Variants in INSL6 observed in about 807,000 individuals in gnomAD.
The protein encoded by INSL6 is insulin like 6, also known as insulin-like peptide INSL6.
A neutral mutation model predicts 9.4 loss-of-function variants in INSL6; 16 were observed. The ratio of observed to expected loss-of-function variants is 1.70; its 90% CI spans 1.15 to 2.59. The LOEUF is 2.59. INSL6 is among the 30% of genes most tolerant of loss of function. The probability of loss-of-function intolerance (pLI) is 0.00; values close to 1 mark genes in which losing one functional copy is unlikely to be tolerated. For missense variants in INSL6, 391 were observed against 257.3 expected (o/e 1.52, Z -3.56); for synonymous variants, 154 against 96.9 (o/e 1.59, Z -3.46).
chr9:5,092,747 G>A, the INSL6 span, among the ~76,000 whole-genome samples: 1 of 152,284 alleles, frequency 6.6e-6, no homozygotes, highest in African/African-American at 2.4e-5. Context: ...CACCTACGTG[G>A]CAAAATAGTG....
intron 2 of INSL6, among the ~76,000 whole-genome samples, chr9:5,145,576 A>G (rs1351573278): frequency 6.6e-6 from 1 of 152,144 alleles, no homozygotes; most frequent in East Asian, 1.9e-4. Context: ...CACTCTTCCC[A>G]GCTCTTTCAG....
At chr9:5,100,238 G>A in the INSL6 span, 4 of 152,004 alleles carry the variant, frequency 2.6e-5, no homozygotes, top group Admixed American at 6.6e-5. Flanking sequence ...AACACATAAT[G>A]ACCCACCAAA....
the INSL6 span, chr9:5,044,490 T>G: frequency 6.2e-7 from 1 of 1,611,230 alleles, no homozygotes; most frequent in Non-Finnish European, 8.5e-7. Flanking sequence ...CTCTTCTTGA[T>G]GACTTTGTCA....
the INSL6 span, among the ~76,000 whole-genome samples, chr9:5,076,102 A>G: frequency 4.6e-5 from 7 of 152,186 alleles, no homozygotes; most frequent in Admixed American, 1.3e-4. Flanking sequence ...GCCCTGAAAG[A>G]AGGAGGAGTT....
At chr9:5,038,538 TACA>T in the INSL6 span, among the ~76,000 whole-genome samples, 2 of 150,986 alleles carry the variant, frequency 1.3e-5, no homozygotes, top group Non-Finnish European at 2.9e-5. Context: ...AATCCAGCAA[TACA>T]GCTTGAATAT....
Position 5,126,158 on chromosome 9 carries a change from T to C in INSL6, c.*11-1647A>G, listed in dbSNP as rs186327807. ...GCTATGGAAATGGAAATTATAGAAG[T>C]TCCATATTTAACAGCCTTATGTTTT... On this transcript the variant is annotated intron_variant, in intron 3 of 3. Transcript: ENST00000649639. 5.9e-6 allele frequency: 3 copies of C among 504,412 alleles called. No homozygotes were observed. In the Admixed American group the frequency reaches 1.1e-4, roughly 19 times the overall value. The allele number at this position is 504,412 out of a possible 1,614,324, so 31.2% of individuals were successfully genotyped here.
chr9:5,132,896 C>G (rs149920514), intron 3 of INSL6: 1 of 152,134 alleles, frequency 6.6e-6, no homozygotes, highest in Non-Finnish European at 1.5e-5. Flanking sequence ...GTTCTGCTAC[C>G]GCTCTGGGAA....
chr9:5,057,759 C>G, the INSL6 span, among the ~76,000 whole-genome samples: 25 of 151,492 alleles, frequency 1.7e-4, 1 homozygote, highest in African/African-American at 5.8e-4. Context: ...TTTTTTGTAT[C>G]TTTAGTAGAG....
chr9:5,023,978 C>T, the INSL6 span, among the ~76,000 whole-genome samples: 15 of 152,012 alleles, frequency 9.9e-5, no homozygotes, highest in African/African-American at 1.9e-4. Flanking sequence ...TAGCTTGGGC[C>T]GGGCACGGTG....
the INSL6 span, among the ~76,000 whole-genome samples, chr9:5,083,062 A>G: frequency 6.6e-6 from 1 of 152,210 alleles, no homozygotes; most frequent in Admixed American, 6.5e-5. Context: ...GAGGAAGATG[A>G]ATTAGGCAGT....
chr9:5,077,658 CAAAAAAT>C, the INSL6 span: 1 of 930,742 alleles, frequency 1.1e-6, no homozygotes, highest in Non-Finnish European at 1.5e-6. Context: ...TACCTGGAAA[CAAAAAAT>C]AAATCTGTAA....
the INSL6 span, among the ~76,000 whole-genome samples, chr9:5,026,793 ATTCTC>A: frequency 6.6e-6 from 1 of 152,144 alleles, no homozygotes; most frequent in Non-Finnish European, 1.5e-5. Context: ...TGGTTTAGGT[ATTCTC>A]TTGGTTTTTT....
the INSL6 span, among the ~76,000 whole-genome samples, chr9:5,014,269 G>A: frequency 6.7e-6 from 1 of 150,278 alleles, no homozygotes; most frequent in Non-Finnish European, 1.5e-5. Context: ...TTCCCAGAGT[G>A]CAGGGATTAC....
intron 3 of INSL6, among the ~76,000 whole-genome samples, chr9:5,130,526 A>C (rs1167123545): frequency 6.6e-6 from 1 of 152,174 alleles, no homozygotes; most frequent in African/African-American, 2.4e-5. Flanking sequence ...CAAAGTGTGA[A>C]ATGGAAAAAT....
chr9:5,125,347 G>A (rs114646817), intron 3 of INSL6, among the ~76,000 whole-genome samples: 450 of 151,296 alleles, frequency 3.0e-3, no homozygotes, highest in African/African-American at 0.01. Context: ...GTAATTTACT[G>A]TATTAGAAAA....
the INSL6 span, among the ~76,000 whole-genome samples, chr9:5,118,316 CATA>C: frequency 5.9e-5 from 9 of 152,130 alleles, no homozygotes; most frequent in South Asian, 2.1e-4. Context: ...CCAAATTTTG[CATA>C]ATATGTTACA....
chr9:5,090,986 T>G, the INSL6 span: 1 of 1,114,768 alleles, frequency 9.0e-7, no homozygotes, highest in Non-Finnish European at 1.3e-6. Context: ...TTTAATAGTT[T>G]GCCATTTCTA....
chr9:5,057,771 C>T, the INSL6 span, among the ~76,000 whole-genome samples: 1 of 151,738 alleles, frequency 6.6e-6, no homozygotes, highest in Admixed American at 6.6e-5. Flanking sequence ...TTAGTAGAGA[C>T]GGGGTTTCAC....
the INSL6 span, chr9:5,054,588 A>G: frequency 1.3e-6 from 2 of 1,596,498 alleles, no homozygotes; most frequent in Non-Finnish European, 8.5e-7. This position sits in a 1 kb window ranked among gnomAD's most constrained non-coding sequence, Gnocchi z 4.9. Flanking sequence ...ACCAAAATGT[A>G]TTCGAGCAAA....
Sources: allele counts gnomAD v4.1 joint callset (sites outside exome capture counted in the v4.1 genomes callset), GRCh38; gene constraint gnomAD v4.1.1; non-coding constraint Gnocchi (gnomAD v3.1); transcripts MANE v1.5; gene names NCBI Gene and HGNC (gene_info 2026-07-23, HGNC 2026-07-21).